ACER1: variants seen among roughly 807,000 people sequenced by gnomAD.
ACER1 encodes CTB-180A7.3.
Under a neutral mutation model 24.9 loss-of-function variants are expected in ACER1, and 28 were observed. That is an observed-to-expected ratio of 1.13 (90% CI 0.83 to 1.54). The LOEUF (loss-of-function observed/expected upper bound fraction) is 1.54, where lower values mean the gene tolerates loss of function less well. Ranked by LOEUF, ACER1 falls within the 40% of genes most tolerant of loss-of-function variation. The pLI, the probability that ACER1 is intolerant of heterozygous loss-of-function variation, is 0.00. For synonymous variants in ACER1, 132 were observed against 131.4 expected (o/e 1.00, Z -0.03); for missense variants, 352 against 349.3 (o/e 1.01, Z -0.06).
the ACER1 span, among the ~76,000 whole-genome samples, chr19:6,345,700 G>C: frequency 6.6e-6 from 1 of 151,664 alleles, no homozygotes; most frequent in Non-Finnish European, 1.5e-5. Flanking sequence ...GAGTCGCTGG[G>C]ATTACAGGCG....
At chr19:6,336,586 C>T (rs2091714867), upstream of ACER1, among the ~76,000 whole-genome samples, 1 of 151,494 alleles carries the variant, frequency 6.6e-6, no homozygotes, top group Non-Finnish European at 1.5e-5. Context: ...TTTAGGAAGC[C>T]AAGGCAGGCG....
At chr19:6,336,848 G>C (rs1459995681), upstream of ACER1, among the ~76,000 whole-genome samples, 3 of 145,336 alleles carry the variant, frequency 2.1e-5, no homozygotes, top group African/African-American at 7.7e-5. Flanking sequence ...GAAAAAGAAA[G>C]ATAAATTGTG....
chr19:6,323,096 G>A (rs879717327), intron 1 of ACER1, among the ~76,000 whole-genome samples: 1 of 149,328 alleles, frequency 6.7e-6, no homozygotes, highest in Admixed American at 6.7e-5. Context: ...TGGGCAACAA[G>A]AGTGAAACTC....
At chr19:6,312,534 A>G in intron 1 of ACER1, 35 bp from the exon 2 acceptor site, 1 of 1,557,882 alleles carries the variant, frequency 6.4e-7, no homozygotes, top group Non-Finnish European at 8.9e-7. Flanking sequence ...GGAGCTCGTC[A>G]GATAGGGGAG....
At chr19:6,347,277 G>A in the ACER1 span, among the ~76,000 whole-genome samples, 1 of 142,052 alleles carries the variant, frequency 7.0e-6, no homozygotes, top group Non-Finnish European at 1.5e-5. Context: ...CTGGAGTACA[G>A]TGGTGCAATC....
At position 6,306,899 on chromosome 19, in the gene ACER1, G is replaced by A. The variant is rs199886946; in HGVS notation, c.627-17C>T. On this transcript the variant is annotated splice_polypyrimidine_tract_variant and intron_variant, in intron 5 of 5. Coordinates refer to ENST00000301452, the MANE Select transcript of ACER1 (RefSeq NM_133492.3). ...AGCACATGCCTGTGGAGTGCAGGGC[G>A]AAGGTGGCGAGGGCACAAGATACCC... The A allele has an allele frequency of 4.4e-6, 7 of 1,601,870 alleles. No homozygotes were observed. Among genetic ancestry groups the A allele is most frequent in the East Asian group, 2.2e-5 (1 of 44,660 alleles).
At chr19:6,351,072 A>G in the ACER1 span, among the ~76,000 whole-genome samples, 1 of 152,288 alleles carries the variant, frequency 6.6e-6, no homozygotes, top group African/African-American at 2.4e-5. Context: ...GCACTCAATA[A>G]ATATGAGTTA....
At chr19:6,336,112 G>A (rs113149905), upstream of ACER1, among the ~76,000 whole-genome samples, 7,521 of 151,890 alleles carry the variant, frequency 0.05, 283 homozygotes, top group African/African-American at 0.11. Flanking sequence ...TGTTGGCCAG[G>A]CTAGTCTCGA....
chr19:6,326,754 G>T (rs148917089), intron 1 of ACER1, among the ~76,000 whole-genome samples: 1 of 152,118 alleles, frequency 6.6e-6, no homozygotes, highest in East Asian at 1.9e-4. Context: ...GGAATCCCAG[G>T]ATCATCCAGC....
chr19:6,350,876 G>T, the ACER1 span, among the ~76,000 whole-genome samples: 1 of 152,056 alleles, frequency 6.6e-6, no homozygotes, highest in Non-Finnish European at 1.5e-5. Context: ...CTGGCTCCTC[G>T]GCAGCCAGGT....
intron 1 of ACER1, among the ~76,000 whole-genome samples, chr19:6,316,097 C>A (rs1399407714): frequency 6.6e-6 from 1 of 152,046 alleles, no homozygotes; most frequent in Non-Finnish European, 1.5e-5. Flanking sequence ...CACTGCACTC[C>A]AGCCTGGGTG....
At chr19:6,331,489 G>GAAAAAT in intron 1 of ACER1, among the ~76,000 whole-genome samples, 3 of 151,084 alleles carry the variant, frequency 2.0e-5, no homozygotes, top group African/African-American at 7.3e-5. Context: ...CCTATGTGCA[G>GAAAAAT]GGCATAGAAC....
upstream of ACER1, among the ~76,000 whole-genome samples, chr19:6,337,236 T>C (rs78238193): frequency 0.049 from 7,484 of 151,812 alleles, 280 homozygotes; most frequent in African/African-American, 0.11. Flanking sequence ...ATTTCCAATA[T>C]TTGGAGAAGA....
the ACER1 span, among the ~76,000 whole-genome samples, chr19:6,350,031 T>G: frequency 6.6e-6 from 1 of 152,110 alleles, no homozygotes; most frequent in East Asian, 1.9e-4. Context: ...TTCTGGAGGC[T>G]AAGGCAGGAG....
chr19:6,314,535 T>C (rs2091594582), intron 1 of ACER1, among the ~76,000 whole-genome samples: 1 of 151,444 alleles, frequency 6.6e-6, no homozygotes, highest in Non-Finnish European at 1.5e-5. Context: ...GACCCCGACG[T>C]GCTGACATCA....
At chr19:6,311,628 GAGGAGAAGA>G (rs1346404895) in intron 3 of ACER1, among the ~76,000 whole-genome samples, 5 of 148,366 alleles carry the variant, frequency 3.4e-5, no homozygotes, top group Admixed American at 1.3e-4. Flanking sequence ...GAAGGAGGAG[GAGGAGAAGA>G]AGAAGAAGAA....
chr19:6,338,100 A>T (rs1388842934), upstream of ACER1, among the ~76,000 whole-genome samples: 1 of 148,134 alleles, frequency 6.8e-6, no homozygotes, highest in Non-Finnish European at 1.5e-5. Flanking sequence ...ATAGTTAATT[A>T]AATAAAATAA....
At chr19:6,312,527 G>T (rs1168514823) in intron 1 of ACER1, 28 bp from the exon 2 acceptor site, 4 of 1,584,286 alleles carry the variant, frequency 2.5e-6, no homozygotes, top group Non-Finnish European at 3.5e-6. Flanking sequence ...ATAGGGAGGA[G>T]CTCGTCAGAT....
At chr19:6,328,712 G>A (rs1205893631) in intron 1 of ACER1, among the ~76,000 whole-genome samples, 1 of 151,784 alleles carries the variant, frequency 6.6e-6, no homozygotes, top group East Asian at 1.9e-4. Context: ...TTTCGCACAG[G>A]CTGGAGTGCA....
Sources: allele counts gnomAD v4.1 joint callset (sites outside exome capture counted in the v4.1 genomes callset), GRCh38; gene constraint gnomAD v4.1.1; transcripts MANE v1.5; gene names NCBI Gene and HGNC (gene_info 2026-07-23, HGNC 2026-07-21).